ZPBP: variants seen among roughly 807,000 people sequenced by gnomAD.
ZPBP encodes zona pellucida binding protein.
ZPBP carries 26 observed loss-of-function variants against 44.8 expected under a neutral mutation model. The observed-to-expected ratio is 0.58, with a 90% CI of 0.43 to 0.81. The LOEUF (loss-of-function observed/expected upper bound fraction) is 0.81. Among genes scored for constraint, ZPBP ranks in the 30% least tolerant of loss-of-function variants. The pLI is 0.00. For missense variants in ZPBP, 409 were observed against 434.0 expected (o/e 0.94, Z 0.51); for synonymous variants, 174 against 153.2 (o/e 1.14, Z -1.00).
At chr7:49,953,116 T>C (rs1795417633) in intron 7 of ZPBP, among the ~76,000 whole-genome samples, 1 of 151,620 alleles carries the variant, frequency 6.6e-6, no homozygotes, top group Admixed American at 6.6e-5. Context: ...CTTGAGTGAG[T>C]TTTCAAATTA....
At chr7:50,090,536 T>C (rs953009915) in intron 1 of ZPBP, among the ~76,000 whole-genome samples, 5 of 151,840 alleles carry the variant, frequency 3.3e-5, no homozygotes, top group African/African-American at 1.2e-4. Flanking sequence ...TATATATGTG[T>C]GTATATATGT....
At chr7:49,954,097 A>G (rs894903823) in intron 7 of ZPBP, among the ~76,000 whole-genome samples, 2 of 152,200 alleles carry the variant, frequency 1.3e-5, no homozygotes, top group African/African-American at 4.8e-5. Flanking sequence ...TGGTACAGGC[A>G]TAACGACAGA....
chr7:49,856,432 T>C (rs751056177), intron 2 of ZPBP, among the ~76,000 whole-genome samples: 1 of 152,208 alleles, frequency 6.6e-6, no homozygotes, highest in Non-Finnish European at 1.5e-5. Flanking sequence ...CAGAAAAAGA[T>C]GTTGGCCCCA....
At chr7:49,851,625 C>T (rs568692909) in intron 2 of ZPBP, among the ~76,000 whole-genome samples, 5 of 152,138 alleles carry the variant, frequency 3.3e-5, no homozygotes, top group Non-Finnish European at 5.9e-5. Context: ...TTCGGGAGGC[C>T]GAGGCGGGTG....
intron 6 of ZPBP, among the ~76,000 whole-genome samples, chr7:50,004,336 C>T (rs1370337121): frequency 6.6e-6 from 1 of 152,040 alleles, no homozygotes; most frequent in Non-Finnish European, 1.5e-5. Flanking sequence ...GGACTGGGAC[C>T]TGCAACAGCA....
chr7:49,991,132 A>T (rs1190186279), intron 6 of ZPBP, among the ~76,000 whole-genome samples: 2 of 152,132 alleles, frequency 1.3e-5, no homozygotes, highest in African/African-American at 2.4e-5. Context: ...AAATAATTTT[A>T]AAAAGGAGAT....
rs1220691094 is a variant in ZPBP, at chr7:49,877,481, AATATATATATATATATATATAT to A, written n.509+23615_509+23636del. On this transcript the variant is annotated intron_variant and non_coding_transcript_variant, in intron 2 of 2. Coordinates refer to the ZPBP transcript ENST00000465922. ...CTGTCTCAAAAAAAAAAAAAAAAAA[AATATATATATATATATATATAT>A]ATATATATATATATAGTTATTTGGT... 2.8e-3 allele frequency among the ~76,000 whole-genome samples: 36 copies of A among 12,722 alleles called. 2 individuals are homozygous for A. Among genetic ancestry groups the A allele is most frequent in the Non-Finnish European group, 5.0e-3 (35 of 6,948 alleles). 8.3% of individuals were successfully genotyped at this position (12,722 alleles called of 152,430 possible).
At chr7:50,049,695 C>T (rs1208324853) in intron 4 of ZPBP, among the ~76,000 whole-genome samples, 1 of 151,976 alleles carries the variant, frequency 6.6e-6, no homozygotes. Flanking sequence ...AAGAAACCCA[C>T]AGCTAACATT....
chr7:49,900,528 A>G (rs1012349382), intron 2 of ZPBP, among the ~76,000 whole-genome samples: 1 of 151,724 alleles, frequency 6.6e-6, no homozygotes, highest in Non-Finnish European at 1.5e-5. Context: ...ACTACAAACA[A>G]TCCTATTCCT....
At chr7:49,880,583 T>C (rs1231255122) in intron 2 of ZPBP, among the ~76,000 whole-genome samples, 1 of 151,478 alleles carries the variant, frequency 6.6e-6, no homozygotes, top group Non-Finnish European at 1.5e-5. Flanking sequence ...TTTTTTATTT[T>C]TATTTATTTA....
In ZPBP at chr7:49,971,638, G is replaced by C. The variant is rs556834417; in HGVS notation, c.961+11704C>G. ...ATCAAAAACTTTCTTATAAAGAAGA[G>C]CCCAGCAAGATGGTTTCACTAGTAA... On this transcript the variant is annotated intron_variant, in intron 7 of 7. Transcript: ENST00000046087. Among the ~76,000 whole-genome samples the C allele has an allele frequency of 3.9e-5, 6 of 152,158 alleles. No homozygotes were observed. In the South Asian group the frequency reaches 1.0e-3, roughly 26 times the overall value.
At chr7:49,901,814 G>C (rs1043598574) in intron 1 of ZPBP, among the ~76,000 whole-genome samples, 1 of 146,530 alleles carries the variant, frequency 6.8e-6, no homozygotes, top group Non-Finnish European at 1.5e-5. Flanking sequence ...CAAAAGAATA[G>C]ACACATTGAT....
chr7:49,880,182 A>G (rs1168842746), intron 2 of ZPBP, among the ~76,000 whole-genome samples: 1 of 152,166 alleles, frequency 6.6e-6, no homozygotes, highest in African/African-American at 2.4e-5. Context: ...GCTAAATTTT[A>G]TCAGTGTCTT....
At chr7:49,939,345 A>G (rs1794760312) in intron 7 of ZPBP, among the ~76,000 whole-genome samples, 1 of 152,212 alleles carries the variant, frequency 6.6e-6, no homozygotes, top group Non-Finnish European at 1.5e-5. Context: ...ATGACTTTCT[A>G]GTTACTATTC....
intron 6 of ZPBP, among the ~76,000 whole-genome samples, chr7:49,998,998 A>G (rs577668091): frequency 2.1e-4 from 32 of 152,192 alleles, no homozygotes; most frequent in Non-Finnish European, 4.4e-4. Flanking sequence ...CCTGGCAAGA[A>G]GCTCATCATA....
chr7:49,911,703 C>A (rs1011514480), intron 1 of ZPBP, among the ~76,000 whole-genome samples: 9 of 151,854 alleles, frequency 5.9e-5, no homozygotes, highest in Admixed American at 2.6e-4. Flanking sequence ...TCAAGACCAG[C>A]CTGGCCAACA....
chr7:49,960,350 G>A (rs1795810497), intron 7 of ZPBP, among the ~76,000 whole-genome samples: 1 of 151,912 alleles, frequency 6.6e-6, no homozygotes, highest in South Asian at 2.1e-4. Flanking sequence ...GAACCTGGGA[G>A]AAAGAGGTTG....
At chr7:50,029,452 C>G (rs1799492316) in intron 5 of ZPBP, among the ~76,000 whole-genome samples, 1 of 151,868 alleles carries the variant, frequency 6.6e-6, no homozygotes, top group Non-Finnish European at 1.5e-5. Context: ...ACAAGAAACA[C>G]AAGGAAAAAA....
chr7:49,871,738 C>T (rs949249274), intron 2 of ZPBP, among the ~76,000 whole-genome samples: 1 of 151,466 alleles, frequency 6.6e-6, no homozygotes, highest in Non-Finnish European at 1.5e-5. Flanking sequence ...AAAATCAAAA[C>T]AAATAAATGG....
Sources: gnomAD v4.1 joint callset for allele counts (sites outside exome capture counted in the v4.1 genomes callset) on GRCh38, gnomAD v4.1.1 for gene constraint, MANE v1.5 for transcripts, NCBI Gene and HGNC (gene_info 2026-07-23, HGNC 2026-07-21) for gene names.